The following ASTN2 variants were observed in gnomAD, a reference collection of about 807,000 sequenced individuals.
ASTN2 encodes astrotactin 2.
Under a neutral mutation model 139.8 loss-of-function variants are expected in ASTN2, and 54 were observed. That is an observed-to-expected ratio of 0.39 (90% CI 0.31 to 0.48). ASTN2 has a LOEUF of 0.48. Among genes scored for constraint, ASTN2 ranks in the 20% least tolerant of loss-of-function variants. ASTN2 has a pLI of 0.95. For missense variants in ASTN2, 1,565 were observed against 1,725.1 expected (o/e 0.91, Z 1.64); for synonymous variants, 756 against 719.5 (o/e 1.05, Z -0.81).
At chr9:116,536,907 A>G (rs914766100) in intron 19 of ASTN2, among the ~76,000 whole-genome samples, 48 of 152,212 alleles carry the variant, frequency 3.2e-4, no homozygotes, top group Non-Finnish European at 5.3e-4. Context: ...ATTTAAGTCT[A>G]CAGAGGTTTC....
intron 19 of ASTN2, among the ~76,000 whole-genome samples, chr9:116,565,556 G>A (rs1439543089): frequency 6.9e-6 from 1 of 145,932 alleles, no homozygotes; most frequent in Non-Finnish European, 1.5e-5. Context: ...TCCCACCCCG[G>A]ACCCCAAGCT....
At chr9:116,943,083 G>C (rs1835285608) in intron 10 of ASTN2, among the ~76,000 whole-genome samples, 1 of 152,178 alleles carries the variant, frequency 6.6e-6, no homozygotes, top group South Asian at 2.1e-4. Context: ...TATGTACCAG[G>C]TCTTGTTGCC....
At chr9:117,356,540 C>T (rs989470962) in intron 1 of ASTN2, among the ~76,000 whole-genome samples, 4 of 152,220 alleles carry the variant, frequency 2.6e-5, no homozygotes, top group African/African-American at 9.6e-5. Context: ...TACCCTCTCT[C>T]AAGAAGTATG....
intron 11 of ASTN2, among the ~76,000 whole-genome samples, chr9:116,857,232 C>T (rs1013375818): frequency 1.3e-5 from 2 of 152,158 alleles, no homozygotes; most frequent in South Asian, 2.1e-4. Flanking sequence ...ATGATAGTTC[C>T]GGGTAGGTGA....
chr9:117,407,357 T>A (rs1002987847), intron 1 of ASTN2, among the ~76,000 whole-genome samples: 4 of 152,194 alleles, frequency 2.6e-5, no homozygotes, highest in Admixed American at 1.3e-4. Context: ...AATCACTTTG[T>A]CTGCAAGTAC....
At chr9:116,971,578 C>T (rs968698368) in intron 10 of ASTN2, among the ~76,000 whole-genome samples, 1 of 152,160 alleles carries the variant, frequency 6.6e-6, no homozygotes, top group Admixed American at 6.5e-5. Flanking sequence ...AATTTATAGA[C>T]TCATTTAAGT....
intron 2 of ASTN2, among the ~76,000 whole-genome samples, chr9:117,236,626 C>T (rs1833052826): frequency 6.6e-6 from 1 of 152,060 alleles, no homozygotes; most frequent in Non-Finnish European, 1.5e-5. Flanking sequence ...ATACTAATTG[C>T]TCAGTAATGA....
chr9:116,701,820 G>A (rs1827820341), intron 16 of ASTN2, among the ~76,000 whole-genome samples: 1 of 150,652 alleles, frequency 6.6e-6, no homozygotes. Context: ...CTGCTGTGTT[G>A]ACTAAATTGC....
At position 116,794,189 on chromosome 9, in the gene ASTN2, C is replaced by T. The variant is rs567532119; in HGVS notation, c.2396+11443G>A. Among the ~76,000 whole-genome samples, 20 of 151,018 alleles carry T rather than the reference C, an allele frequency of 1.3e-4. No homozygotes were observed. The South Asian group carries it at 4.2e-3, about 32-fold the overall frequency. ...CTCGGTTCACCAAAACCTCCACCTC[C>T]CAGGTTCAAGTGATTCTCCTGCCTC... On this transcript the variant is annotated intron_variant, in intron 13 of 22. Transcript: ENST00000313400.
chr9:116,682,976 G>A (rs1412252346), intron 16 of ASTN2, among the ~76,000 whole-genome samples: 2 of 150,052 alleles, frequency 1.3e-5, no homozygotes, highest in Non-Finnish European at 3.0e-5. Flanking sequence ...TGTATACATA[G>A]GTAACTAACC....
At chr9:116,491,582 G>T (rs1425666300) in intron 19 of ASTN2, among the ~76,000 whole-genome samples, 2 of 152,156 alleles carry the variant, frequency 1.3e-5, no homozygotes, top group Admixed American at 1.3e-4. Flanking sequence ...TTAAATACAA[G>T]AACAAACCTA....
At chr9:117,380,577 C>T (rs909074696) in intron 1 of ASTN2, among the ~76,000 whole-genome samples, 22 of 150,016 alleles carry the variant, frequency 1.5e-4, no homozygotes, top group African/African-American at 5.4e-4. Flanking sequence ...TGCACTCCAG[C>T]CTGGCAACAG....
intron 20 of ASTN2, among the ~76,000 whole-genome samples, chr9:116,467,581 A>G (rs1848688984): frequency 6.6e-6 from 1 of 152,146 alleles, no homozygotes; most frequent in African/African-American, 2.4e-5. Flanking sequence ...GAATCTTACG[A>G]CGTCATTTGA....
chr9:116,610,321 AT>A (rs1466302335), intron 19 of ASTN2, among the ~76,000 whole-genome samples: 1 of 152,196 alleles, frequency 6.6e-6, no homozygotes, highest in Non-Finnish European at 1.5e-5. Context: ...AAGTAAAGTG[AT>A]GGCTGCGGAC....
chr9:116,505,159 T>C (rs151135879), intron 19 of ASTN2, among the ~76,000 whole-genome samples: 2 of 151,680 alleles, frequency 1.3e-5, no homozygotes, highest in Non-Finnish European at 2.9e-5. Context: ...GAACCCTACT[T>C]TGCATATGGG....
intron 22 of ASTN2, among the ~76,000 whole-genome samples, chr9:116,435,039 T>C (rs943302368): frequency 6.6e-6 from 1 of 152,180 alleles, no homozygotes; most frequent in Non-Finnish European, 1.5e-5. Context: ...AAAACTCTTA[T>C]CCCTCTAGTC....
chr9:116,900,635 A>G (rs1044045379), intron 10 of ASTN2, among the ~76,000 whole-genome samples: 1 of 152,202 alleles, frequency 6.6e-6, no homozygotes, highest in African/African-American at 2.4e-5. Context: ...AAGGCAGCAC[A>G]CACAGAATGG....
intron 13 of ASTN2, among the ~76,000 whole-genome samples, chr9:116,764,044 C>T (rs1010677000): frequency 3.3e-5 from 5 of 152,300 alleles, no homozygotes; most frequent in African/African-American, 1.2e-4. Flanking sequence ...GTCTTTCCAA[C>T]ACTCCTATGA....
chr9:116,987,672 T>C (rs563866549), intron 7 of ASTN2, among the ~76,000 whole-genome samples: 5 of 152,220 alleles, frequency 3.3e-5, no homozygotes, highest in African/African-American at 1.2e-4. Flanking sequence ...ATTTACTATG[T>C]TTTTTCCTAT....
Sources: gnomAD v4.1 joint callset for allele counts (sites outside exome capture counted in the v4.1 genomes callset) on GRCh38, gnomAD v4.1.1 for gene constraint, MANE v1.5 for transcripts, NCBI Gene and HGNC (gene_info 2026-07-23, HGNC 2026-07-21) for gene names.